Variants in FBXL20 observed in about 807,000 individuals in gnomAD.
The protein encoded by FBXL20 is F-box/LRR-repeat protein 20.
In FBXL20, 11 loss-of-function variants were observed where a neutral mutation model predicts 64.0. That is an observed-to-expected ratio of 0.17 (90% CI 0.11 to 0.28). The LOEUF is 0.28. Among genes scored for constraint, FBXL20 ranks in the 10% least tolerant of loss-of-function variants. The pLI is 1.00. For synonymous variants in FBXL20, 184 were observed against 189.0 expected, an observed-to-expected ratio of 0.97 and a Z score of 0.22; for missense variants, 303 against 526.2, an observed-to-expected ratio of 0.58 and a Z score of 4.15.
intron 1 of FBXL20, among the ~76,000 whole-genome samples, chr17:39,350,824 G>C (rs923925352): frequency 5.9e-5 from 9 of 152,122 alleles, no homozygotes; most frequent in African/African-American, 2.2e-4. Flanking sequence ...AAAATTCATA[G>C]GATTTTCCCT....
At chr17:39,316,496 T>G (rs1489334002) in intron 2 of FBXL20, among the ~76,000 whole-genome samples, 1 of 152,106 alleles carries the variant, frequency 6.6e-6, no homozygotes, top group South Asian at 2.1e-4. Flanking sequence ...CACCTTGTGA[T>G]AGAAAGCAAG....
At chr17:39,268,084 G>A (rs1291354457) in intron 12 of FBXL20, among the ~76,000 whole-genome samples, 1 of 152,058 alleles carries the variant, frequency 6.6e-6, no homozygotes, top group African/African-American at 2.4e-5. Context: ...TGTTAATGTG[G>A]CTCACGTCTG....
intron 4 of FBXL20, among the ~76,000 whole-genome samples, chr17:39,299,532 A>G (rs2047116140): frequency 6.6e-6 from 1 of 152,242 alleles, no homozygotes; most frequent in Non-Finnish European, 1.5e-5. Flanking sequence ...CTGTAATCCC[A>G]GCACTTTGGG....
At chr17:39,356,100 T>C (rs1380808147) in intron 1 of FBXL20, among the ~76,000 whole-genome samples, 1 of 133,384 alleles carries the variant, frequency 7.5e-6, no homozygotes, top group Non-Finnish European at 1.6e-5. Context: ...TGTAATCCCC[T>C]GCTACTTGGG....
chr17:39,270,946 T>G, intron 10 of FBXL20, 90 bp from the exon 11 acceptor site: 1 of 1,000,154 alleles, frequency 1.0e-6, no homozygotes. Context: ...ACAAAAACAA[T>G]CTTCTATTCT....
chr17:39,271,620 A>C (rs1339712373), intron 10 of FBXL20, among the ~76,000 whole-genome samples: 2 of 150,908 alleles, frequency 1.3e-5, no homozygotes, highest in African/African-American at 2.4e-5. Context: ...AAAAAAAAAA[A>C]AAAAGGTGGG....
intron 1 of FBXL20, among the ~76,000 whole-genome samples, chr17:39,371,856 T>A (rs1267599959): frequency 6.6e-6 from 1 of 152,088 alleles, no homozygotes; most frequent in Non-Finnish European, 1.5e-5. Context: ...AGGCTGACGG[T>A]AGCTGTCCAA....
intron 1 of FBXL20, among the ~76,000 whole-genome samples, chr17:39,346,190 T>C (rs1299660106): frequency 6.6e-6 from 1 of 151,588 alleles, no homozygotes; most frequent in Non-Finnish European, 1.5e-5. Context: ...AAATAATAAA[T>C]CAGATGTGAT....
chr17:39,402,170 C>T, upstream of FBXL20: 1 of 1,232,832 alleles, frequency 8.1e-7, no homozygotes, highest in Non-Finnish European at 1.0e-6. Context: ...CCCTGTCACT[C>T]ACTGTCGCCT....
intron 7 of FBXL20, among the ~76,000 whole-genome samples, chr17:39,283,142 CTA>C (rs2046961821): frequency 6.6e-6 from 1 of 152,060 alleles, no homozygotes; most frequent in Non-Finnish European, 1.5e-5. Context: ...TCAAAGCTCT[CTA>C]GACAAAAAAT....
At chr17:39,272,417 C>T (rs1416353450) in intron 10 of FBXL20, among the ~76,000 whole-genome samples, 3 of 146,752 alleles carry the variant, frequency 2.0e-5, no homozygotes, top group Non-Finnish European at 1.5e-5. Context: ...TTTTTTAATT[C>T]CAAGAGATGG....
intron 1 of FBXL20, among the ~76,000 whole-genome samples, chr17:39,347,705 T>C (rs1330666459): frequency 2.0e-5 from 3 of 152,208 alleles, no homozygotes; most frequent in Middle Eastern, 3.2e-3. Flanking sequence ...TTAGATGCCA[T>C]TGGTCAATTT....
intron 10 of FBXL20, among the ~76,000 whole-genome samples, chr17:39,271,823 T>C (rs2046846711): frequency 6.6e-6 from 1 of 151,954 alleles, no homozygotes; most frequent in African/African-American, 2.4e-5. Context: ...CAAAAGTAGC[T>C]CTCTTCTGTG....
At chr17:39,299,730 C>G (rs1430364392) in intron 4 of FBXL20, among the ~76,000 whole-genome samples, 1 of 151,750 alleles carries the variant, frequency 6.6e-6, no homozygotes, top group African/African-American at 2.4e-5. Context: ...GTAGTGAGCC[C>G]AGGTCTTGCT....
intron 2 of FBXL20, among the ~76,000 whole-genome samples, chr17:39,324,870 G>A (rs909131394): frequency 6.6e-6 from 1 of 152,112 alleles, no homozygotes; most frequent in Non-Finnish European, 1.5e-5. Flanking sequence ...TGTCAATGAT[G>A]GCATTTGAGA....
chr17:39,331,291 G>C (rs2047458138), intron 2 of FBXL20, among the ~76,000 whole-genome samples: 1 of 152,084 alleles, frequency 6.6e-6, no homozygotes, highest in South Asian at 2.1e-4. Context: ...AGTAGAGATG[G>C]GGTTTTACCA....
chr17:39,361,083 T>C (rs1382829828), intron 1 of FBXL20, among the ~76,000 whole-genome samples: 1 of 152,150 alleles, frequency 6.6e-6, no homozygotes, highest in Non-Finnish European at 1.5e-5. Context: ...GCATTGCATT[T>C]CTGAGTATAA....
chr17:39,402,150 A>G (rs2048254432), upstream of FBXL20: 1 of 1,233,372 alleles, frequency 8.1e-7, no homozygotes. Flanking sequence ...CCGGCCACCC[A>G]GCTCCCTTCC....
chr17:39,288,101 C>G (rs765191156), intron 6 of FBXL20, among the ~76,000 whole-genome samples: 12 of 151,148 alleles, frequency 7.9e-5, no homozygotes, highest in Admixed American at 1.3e-4. Context: ...GTAGCTGGGA[C>G]TACAGGCGCA....
Sources: allele counts gnomAD v4.1 joint callset (sites outside exome capture counted in the v4.1 genomes callset), GRCh38; gene constraint gnomAD v4.1.1; transcripts MANE v1.5; gene names NCBI Gene and HGNC (gene_info 2026-07-23, HGNC 2026-07-21).